The following PRKCZ variants were observed in gnomAD, a reference collection of about 807,000 sequenced individuals.
PRKCZ encodes protein kinase C zeta, also known as protein kinase C zeta type.
A neutral mutation model predicts 79.5 loss-of-function variants in PRKCZ; 33 were observed. The ratio of observed to expected loss-of-function variants is 0.41; its 90% confidence interval spans 0.31 to 0.55. The LOEUF (loss-of-function observed/expected upper bound fraction) is 0.55. PRKCZ is among the 20% of genes least tolerant of loss of function. The pLI is 0.19. For synonymous variants in PRKCZ, 342 were observed against 320.9 expected, an observed-to-expected ratio of 1.07 and a Z score of -0.70; for missense variants, 578 against 813.5, an observed-to-expected ratio of 0.71 and a Z score of 3.52.
chr1:2,079,271 A>T (rs1346560426), intron 4 of PRKCZ, among the ~76,000 whole-genome samples: 1 of 152,258 alleles, frequency 6.6e-6, no homozygotes, highest in Non-Finnish European at 1.5e-5. Flanking sequence ...CACCCAGCAC[A>T]TTCATGGCTG....
At chr1:2,181,609 A>C (rs1412846110) in intron 16 of PRKCZ, among the ~76,000 whole-genome samples, 1 of 152,054 alleles carries the variant, frequency 6.6e-6, no homozygotes, top group Non-Finnish European at 1.5e-5. Flanking sequence ...CAAGAGGAGG[A>C]GGTAACGCTG....
intron 4 of PRKCZ, among the ~76,000 whole-genome samples, chr1:2,089,068 G>A (rs6684574): frequency 0.42 from 64,407 of 152,134 alleles, 15,479 homozygotes; most frequent in East Asian, 0.96. Flanking sequence ...AATAATAGCA[G>A]TAACAATGGT....
At chr1:2,071,190 A>G (rs756262555) in intron 4 of PRKCZ, 2 of 249,432 alleles carry the variant, frequency 8.0e-6, no homozygotes, top group Non-Finnish European at 1.7e-5. Flanking sequence ...CCCGTGCCTC[A>G]GTTTCCTCCT....
At chr1:2,163,311 G>A (rs989819596) in intron 10 of PRKCZ, among the ~76,000 whole-genome samples, 4 of 152,216 alleles carry the variant, frequency 2.6e-5, no homozygotes, top group Non-Finnish European at 5.9e-5. Flanking sequence ...GCCTGCAGCC[G>A]TGGAACTGGG....
intron 4 of PRKCZ, among the ~76,000 whole-genome samples, chr1:2,091,212 A>G (rs1282176909): frequency 6.6e-6 from 1 of 152,104 alleles, no homozygotes; most frequent in Non-Finnish European, 1.5e-5. Context: ...TTGTATTTTT[A>G]GTAGAGACGG....
chr1:2,104,331 CCT>C (rs1304825784), intron 4 of PRKCZ, among the ~76,000 whole-genome samples: 2 of 152,176 alleles, frequency 1.3e-5, no homozygotes, highest in African/African-American at 2.4e-5. Flanking sequence ...AGCCTGGACT[CCT>C]AGCCCCACGG....
chr1:2,119,714 T>G (rs1321085209), intron 4 of PRKCZ, among the ~76,000 whole-genome samples: 1 of 152,192 alleles, frequency 6.6e-6, no homozygotes, highest in Non-Finnish European at 1.5e-5. Context: ...ACCAGCTTCC[T>G]TCTGCCTGAA....
chr1:2,056,201 G>A (rs1211857083), intron 2 of PRKCZ, among the ~76,000 whole-genome samples: 1 of 152,226 alleles, frequency 6.6e-6, no homozygotes, highest in Non-Finnish European at 1.5e-5. Flanking sequence ...CCTCCGGAGA[G>A]TGTCCTCAGC....
intron 4 of PRKCZ, among the ~76,000 whole-genome samples, chr1:2,060,253 G>T (rs1300558438): frequency 6.6e-6 from 1 of 152,262 alleles, no homozygotes; most frequent in Non-Finnish European, 1.5e-5. Flanking sequence ...GCCGCTGCCT[G>T]TCCAGCGCAG....
In PRKCZ at chr1:2,128,081, G is replaced by A. The variant is rs1674294322; in HGVS notation, c.335-7181G>A. Among the ~76,000 whole-genome samples the A allele has an allele frequency of 6.6e-6, 1 of 152,214 alleles. No homozygotes were observed. The highest frequency in any genetic ancestry group is 1.5e-5 in the Non-Finnish European group (1 of 68,028). ...GAAGAAGCTCCGGAGTCTAGAGGTGGCAGCACCCATTTTACCTGCACCCTC... is the reference window on the plus strand; with the variant it reads ...GAAGAAGCTCCGGAGTCTAGAGGTGACAGCACCCATTTTACCTGCACCCTC... On this transcript the variant is annotated intron_variant, in intron 4 of 17. Coordinates refer to ENST00000378567, the MANE Select transcript of PRKCZ (RefSeq NM_002744.6). The surrounding 1 kb of genome is among the most constrained non-coding windows in gnomAD (Gnocchi z 6.5).
At chr1:2,061,476 C>T (rs900632039) in intron 4 of PRKCZ, among the ~76,000 whole-genome samples, 1 of 152,100 alleles carries the variant, frequency 6.6e-6, no homozygotes, top group African/African-American at 2.4e-5. Context: ...GGGTGGCAGC[C>T]GAGTCACCGT....
In PRKCZ at chr1:2,075,911, G is replaced by A. The variant is rs13302971; in HGVS notation, c.334+16320G>A. 1.7e-4 allele frequency among the ~76,000 whole-genome samples: 26 copies of A among 152,262 alleles called. No homozygotes were observed. The highest frequency in any genetic ancestry group is 3.1e-4 in the Non-Finnish European group (21 of 68,046). On this transcript the variant is annotated intron_variant, in intron 4 of 17. Coordinates refer to ENST00000378567, the MANE Select transcript of PRKCZ (RefSeq NM_002744.6). The surrounding 1 kb of genome is among the most constrained non-coding windows in gnomAD (Gnocchi z 4.8). ...GGGGGCTGCGTCTCATCTGCCACAC[G>A]TTTCTGATCGCCGAGGACTCAGCCG...
chr1:2,085,196 A>G (rs2459988), intron 4 of PRKCZ, among the ~76,000 whole-genome samples: 70,271 of 151,972 alleles, frequency 0.46, 19,183 homozygotes, highest in East Asian at 0.96. Context: ...GGGAAGACAA[A>G]GACGTAGACT....
At chr1:2,050,992 G>T in intron 1 of PRKCZ, 1 of 329,982 alleles carries the variant, frequency 3.0e-6, no homozygotes, top group Non-Finnish European at 5.5e-6. Context: ...AGTTGGGCGG[G>T]GACGTTCCGG....
In PRKCZ at chr1:2,067,085, C is replaced by T. The variant is rs959315688; in HGVS notation, c.334+7494C>T. Among the ~76,000 whole-genome samples, 6 of 152,272 alleles carry T rather than the reference C, an allele frequency of 3.9e-5. No individual in the cohort carries two copies. In the East Asian group the frequency reaches 1.2e-3, roughly 29 times the overall value. On this transcript the variant is annotated intron_variant, in intron 4 of 17. Coordinates refer to ENST00000378567, the MANE Select transcript of PRKCZ (RefSeq NM_002744.6). ...ATATATTTGCGAATTCTTCTGTTTT[C>T]TTTCTGTTAACTGATTTCTAAGTTC...
intron 4 of PRKCZ, among the ~76,000 whole-genome samples, chr1:2,101,069 A>T (rs1009603156): frequency 6.6e-6 from 1 of 150,488 alleles, no homozygotes; most frequent in Non-Finnish European, 1.5e-5. Flanking sequence ...TTGTAGAGGG[A>T]TCCCAAGGGA....
In PRKCZ at chr1:2,174,727, A is replaced by G. The variant is rs762209128; in HGVS notation, c.1406-27A>G. The G allele has an allele frequency of 6.2e-7, 1 of 1,608,806 alleles. No homozygotes were observed. Among genetic ancestry groups the G allele is most frequent in the South Asian group, 1.1e-5 (1 of 90,924 alleles). ...GGGCAAATGGCACACAACACAGGCAAGTCCTCACCAGGCTCCGCCCTTGCA... is the reference window on the plus strand; with the variant it reads ...GGGCAAATGGCACACAACACAGGCAGGTCCTCACCAGGCTCCGCCCTTGCA... On this transcript the variant is annotated intron_variant, in intron 14 of 17. Coordinates refer to ENST00000378567, the MANE Select transcript of PRKCZ (RefSeq NM_002744.6). The surrounding 1 kb of genome is among the most constrained non-coding windows in gnomAD (Gnocchi z 6.2).
At position 2,168,761 on chromosome 1, in the gene PRKCZ, A is replaced by C; in HGVS notation, c.975-757A>C. On this transcript the variant is annotated intron_variant, in intron 10 of 17. Transcript: ENST00000378567. The surrounding 1 kb of genome is among the most constrained non-coding windows in gnomAD (Gnocchi z 4.7). ...GCAGCCAGGAGCAGCCACCAGTCGG[A>C]AGCAAATAAACAATTCAGGTGCCAG... The C allele has an allele frequency of 5.4e-6, 1 of 183,706 alleles. No homozygotes were observed. Among genetic ancestry groups the C allele is most frequent in the Non-Finnish European group, 1.2e-5 (1 of 85,948 alleles). The allele number at this position is 183,706 out of a possible 1,614,324, so 11.4% of individuals were successfully genotyped here.
chr1:2,139,682 G>A (rs1030294975), intron 5 of PRKCZ, among the ~76,000 whole-genome samples: 1 of 152,218 alleles, frequency 6.6e-6, no homozygotes, highest in Non-Finnish European at 1.5e-5. Context: ...TGTGGGACAG[G>A]CATGGACCCT....
Sources: gnomAD v4.1 joint callset for allele counts (sites outside exome capture counted in the v4.1 genomes callset) on GRCh38, gnomAD v4.1.1 for gene constraint, Gnocchi (gnomAD v3.1) non-coding constraint, MANE v1.5 for transcripts, NCBI Gene and HGNC (gene_info 2026-07-23, HGNC 2026-07-21) for gene names.